STIL: variants seen among roughly 807,000 people sequenced by gnomAD.
STIL encodes STIL centriolar assembly protein.
Under a neutral mutation model 110.1 loss-of-function variants are expected in STIL, and 55 were observed. That is an observed-to-expected ratio of 0.50 (90% CI 0.40 to 0.63). The LOEUF is 0.63. STIL is among the 20% of genes least tolerant of loss of function. The pLI is 0.00. For synonymous variants in STIL, 481 were observed against 530.0 expected, an observed-to-expected ratio of 0.91 and a Z score of 1.27; for missense variants, 1,358 against 1,530.0, an observed-to-expected ratio of 0.89 and a Z score of 1.87.
chr1:47,310,113 T>G (rs1646078993), intron 2 of STIL, among the ~76,000 whole-genome samples, 163 bp downstream of exon 2: 1 of 152,188 alleles, frequency 6.6e-6, no homozygotes, highest in Non-Finnish European at 1.5e-5. Flanking sequence ...TGAGGCTTAG[T>G]TAATTAACTT....
At chr1:47,287,691 T>C (rs1487299862) in intron 9 of STIL, 31 bp from the exon 10 acceptor site, 9 of 1,531,210 alleles carry the variant, frequency 5.9e-6, no homozygotes, top group Non-Finnish European at 8.1e-6. Flanking sequence ...TTTTGAGATC[T>C]GACTTAAATA....
At chr1:47,308,010 C>T (rs1051067086) in intron 2 of STIL, among the ~76,000 whole-genome samples, 1 of 152,172 alleles carries the variant, frequency 6.6e-6, no homozygotes, top group Non-Finnish European at 1.5e-5. Context: ...AACCCTGTCT[C>T]CTGATAAGAT....
chr1:47,251,597 T>C lies in STIL; in HGVS notation c.3406A>G (p.Ser1136Gly). 6.2e-7 allele frequency: 1 copy of C among 1,613,952 alleles called. No homozygotes were observed. The highest frequency in any genetic ancestry group is 8.5e-7 in the Non-Finnish European group (1 of 1,179,926). ...TCGGGAGGTTCCTCTTCATCTTCACTATTGTCACTGCTTTGTAGGAGTCCA... is the reference window on the plus strand; with the variant it reads ...TCGGGAGGTTCCTCTTCATCTTCACCATTGTCACTGCTTTGTAGGAGTCCA... Reference protein sequence around the residue: ...RYGLLQSSDNSEDEEEPPDNA... With the variant: ...RYGLLQSSDNGEDEEEPPDNA... The change falls in exon 17 of 17, where the codon AGT becomes GGT. Residue 1136 changes from serine to glycine, a missense_variant. Ser to Gly is a moderately conservative substitution (Grantham distance 56, BLOSUM62 0). Transcript: ENST00000371877.
At chr1:47,287,293 T>C (rs562460960) in intron 10 of STIL, among the ~76,000 whole-genome samples, 6 of 152,280 alleles carry the variant, frequency 3.9e-5, no homozygotes, top group Admixed American at 3.9e-4. Flanking sequence ...AGCAAGATAA[T>C]TTTTTGACAA....
At chr1:47,252,681 C>T (rs535384837) in intron 16 of STIL, among the ~76,000 whole-genome samples, 14 of 151,680 alleles carry the variant, frequency 9.2e-5, no homozygotes, top group South Asian at 2.1e-4. Flanking sequence ...ACAGTACAAG[C>T]TTTAGTAAGT....
In STIL at chr1:47,288,423, A is replaced by G. The variant is rs150571284; in HGVS notation, c.1024-763T>C. Among the ~76,000 whole-genome samples, 1,209 of 152,034 alleles carry G rather than the reference A, an allele frequency of 8.0e-3. 13 individuals are homozygous for G. Among genetic ancestry groups the G allele is most frequent in the African/African-American group, 0.027 (1,135 of 41,458 alleles). ...GTGATTCTCCTGCCTCAGTCTCCCAAGTAGCTAGGATTACAGGCACCTGGC... is the reference window on the plus strand; with the variant it reads ...GTGATTCTCCTGCCTCAGTCTCCCAGGTAGCTAGGATTACAGGCACCTGGC... On this transcript the variant is annotated intron_variant, in intron 9 of 16. Coordinates refer to ENST00000371877, the MANE Select transcript of STIL (RefSeq NM_001048166.1).
chr1:47,261,354 C>T (rs899657162), intron 15 of STIL, among the ~76,000 whole-genome samples: 16 of 151,646 alleles, frequency 1.1e-4, no homozygotes, highest in Non-Finnish European at 2.4e-4. Flanking sequence ...CGCCACTGTA[C>T]TCCAGCCTGG....
At position 47,251,539 on chromosome 1, in the gene STIL, T is replaced by G. The variant is rs1465705175; in HGVS notation, c.3464A>C (p.Asn1155Thr). ...TTCAGGTATGGACCTAAGGTTCTGA[T>G]TCAATAAATATTCACTCTTGCTATC... ...NADSKSEYLL[N>T]QNLRSIPEQL... The change falls in exon 17 of 17, where the codon AAT becomes ACT. Residue 1155 changes from asparagine to threonine, a missense_variant. By Grantham distance (65) the Asn-to-Thr change is moderately conservative. Coordinates refer to ENST00000371877, the MANE Select transcript of STIL (RefSeq NM_001048166.1). 1 of 1,614,214 alleles carries G rather than the reference T, an allele frequency of 6.2e-7. No homozygotes were observed.
At chr1:47,259,937 C>T (rs1018075834) in intron 16 of STIL, among the ~76,000 whole-genome samples, 2 of 152,206 alleles carry the variant, frequency 1.3e-5, no homozygotes, top group Non-Finnish European at 2.9e-5. Context: ...ACCTTATCAC[C>T]TCCAGAAAGA....
At chr1:47,279,712 GAAGAGA>G (rs1265265011) in intron 12 of STIL, among the ~76,000 whole-genome samples, 2 of 111,458 alleles carry the variant, frequency 1.8e-5, no homozygotes, top group Non-Finnish European at 3.3e-5. Context: ...CTGCGCAACA[GAAGAGA>G]CTCCGTCTCA....
At chr1:47,309,194 A>G (rs984223043) in intron 2 of STIL, among the ~76,000 whole-genome samples, 1 of 152,192 alleles carries the variant, frequency 6.6e-6, no homozygotes, top group Non-Finnish European at 1.5e-5. Flanking sequence ...TATGTCATAT[A>G]CCCCATAAAT....
At chr1:47,268,636 T>C (rs905624924) in intron 14 of STIL, among the ~76,000 whole-genome samples, 9 of 151,820 alleles carry the variant, frequency 5.9e-5, no homozygotes, top group African/African-American at 2.2e-4. Context: ...CAGGTGTCTG[T>C]AATCCCAGCT....
intron 12 of STIL, among the ~76,000 whole-genome samples, chr1:47,278,295 G>A (rs1473156968): frequency 6.6e-6 from 1 of 151,860 alleles, no homozygotes; most frequent in South Asian, 2.1e-4. Flanking sequence ...GCAGGGTAAG[G>A]GAGTTCTATA....
intron 6 of STIL, 70 bp from the exon 7 acceptor site, chr1:47,295,918 T>C: frequency 8.9e-7 from 1 of 1,125,008 alleles, no homozygotes; most frequent in East Asian, 2.4e-5. Context: ...ATAATCTAAA[T>C]GCTGAAGCAT....
chr1:47,314,453 G>C (rs1646229639), upstream of STIL, among the ~76,000 whole-genome samples: 1 of 152,234 alleles, frequency 6.6e-6, no homozygotes, highest in Non-Finnish European at 1.5e-5. Context: ...GGAAAGCCCA[G>C]CTAGGTAGAC....
In STIL at chr1:47,300,164, A is replaced by G. The variant is rs758764125; in HGVS notation, c.454-12T>C. ...TGGCACTGTAGAGCCTGAGAAATCA[A>G]TATTAAATAATTATTTTAAAACTTT... On this transcript the variant is annotated splice_polypyrimidine_tract_variant and intron_variant, in intron 5 of 16. Transcript: ENST00000371877. 1.2e-6 allele frequency: 2 copies of G among 1,609,788 alleles called. No individual in the cohort carries two copies. The highest frequency in any genetic ancestry group is 1.1e-5 in the South Asian group (1 of 90,070).
intron 8 of STIL, among the ~76,000 whole-genome samples, chr1:47,291,547 T>C (rs1474924539): frequency 6.6e-6 from 1 of 151,894 alleles, no homozygotes; most frequent in Non-Finnish European, 1.5e-5. Flanking sequence ...ATTTATTCTG[T>C]TTATTGCCTG....
intron 6 of STIL, among the ~76,000 whole-genome samples, chr1:47,298,332 G>T (rs559336546): frequency 6.6e-6 from 1 of 152,266 alleles, no homozygotes; most frequent in South Asian, 2.1e-4. Context: ...AATAGATAAA[G>T]AAAATAGATG....
At chr1:47,268,422 G>A (rs934876202) in intron 14 of STIL, among the ~76,000 whole-genome samples, 11 of 151,074 alleles carry the variant, frequency 7.3e-5, no homozygotes, top group Non-Finnish European at 1.0e-4. Context: ...CTCCAGCCTG[G>A]GTGAAAAAGC....
Sources: gnomAD v4.1 joint callset for allele counts (sites outside exome capture counted in the v4.1 genomes callset) on GRCh38, gnomAD v4.1.1 for gene constraint, MANE v1.5 for transcripts, NCBI Gene and HGNC (gene_info 2026-07-23, HGNC 2026-07-21) for gene names.